FAM200B: variants seen among roughly 807,000 people sequenced by gnomAD.
The protein encoded by FAM200B is protein FAM200B.
In FAM200B, 32 loss-of-function variants were observed where a neutral mutation model predicts 33.1. The observed-to-expected ratio is 0.97, with a 90% CI of 0.73 to 1.30. The LOEUF is 1.30. Ranked by LOEUF, FAM200B falls within the 50% of genes most tolerant of loss-of-function variation. The pLI is 0.00. For synonymous variants in FAM200B, 240 were observed against 264.8 expected, an observed-to-expected ratio of 0.91 and a Z score of 0.91; for missense variants, 741 against 754.0, an observed-to-expected ratio of 0.98 and a Z score of 0.20.
chr4:15,641,335 G>A, the FAM200B span, among the ~76,000 whole-genome samples: 36,721 of 151,732 alleles, frequency 0.24, 4,663 homozygotes, highest in African/African-American at 0.28. Context: ...CTTAATTACC[G>A]ATTTTCTTCT....
chr4:15,682,474 C>G (rs1433422697), intron 1 of FAM200B, among the ~76,000 whole-genome samples: 1 of 152,196 alleles, frequency 6.6e-6, no homozygotes, highest in Non-Finnish European at 1.5e-5. Flanking sequence ...AGCTCTACCC[C>G]GTCTCATTCT....
chr4:15,642,298 T>C, the FAM200B span, among the ~76,000 whole-genome samples: 1 of 151,728 alleles, frequency 6.6e-6, no homozygotes, highest in Non-Finnish European at 1.5e-5. Context: ...TGGAATGCAG[T>C]GGTGCAATCT....
the FAM200B span, among the ~76,000 whole-genome samples, chr4:15,667,152 G>A: frequency 6.6e-6 from 1 of 152,130 alleles, no homozygotes; most frequent in African/African-American, 2.4e-5. Flanking sequence ...TCATGGGACA[G>A]TGCAAAGGGC....
At position 15,687,161 on chromosome 4, in the gene FAM200B, C is replaced by T. The variant is rs758445034; in HGVS notation, c.184C>T (p.Arg62Cys). The change falls in exon 2 of 2, where the codon CGT becomes TGT. Residue 62 changes from arginine to cysteine, a missense_variant. By Grantham distance (180) the Arg-to-Cys change is radical (BLOSUM62 -3). Transcript: ENST00000422728. Reference sequence around the variant, plus strand: ...CAAAAAGAAAAAAGTAAGTGCAAGACGTTATAATGAAGATTACTTAAAATA... The same window carrying T: ...CAAAAAGAAAAAAGTAAGTGCAAGATGTTATAATGAAGATTACTTAAAATA... ...HFKKKKVSAR[R>C]YNEDYLKYGF... is the part of the protein sequence containing the mutation. 35 of 1,544,050 alleles carry T rather than the reference C, an allele frequency of 2.3e-5. No homozygotes were observed. The highest frequency in any genetic ancestry group is 6.9e-5 in the African/African-American group (5 of 72,596).
chr4:15,670,197 AT>A, the FAM200B span, among the ~76,000 whole-genome samples: 3 of 152,194 alleles, frequency 2.0e-5, no homozygotes, highest in South Asian at 2.1e-4. Context: ...TTGTTTCTAA[AT>A]TTTGGTCATT....
the FAM200B span, among the ~76,000 whole-genome samples, chr4:15,674,806 T>C: frequency 6.6e-6 from 1 of 152,018 alleles, no homozygotes; most frequent in African/African-American, 2.4e-5. Context: ...CATGCCACCA[T>C]GCCTGGCTAA....
chr4:15,681,998 G>GC (rs1333601866), intron 1 of FAM200B, 97 bp downstream of exon 1: 1 of 152,418 alleles, frequency 6.6e-6, no homozygotes, highest in Non-Finnish European at 1.5e-5. Context: ...GTCTGGTTTT[G>GC]CCCCCCGTAT....
chr4:15,655,628 T>C, the FAM200B span, among the ~76,000 whole-genome samples: 4 of 152,170 alleles, frequency 2.6e-5, no homozygotes, highest in East Asian at 5.8e-4. Context: ...GGGAAAGTCG[T>C]TGCAGTGGCG....
At chr4:15,675,981 T>A in the FAM200B span, among the ~76,000 whole-genome samples, 1 of 152,132 alleles carries the variant, frequency 6.6e-6, no homozygotes, top group African/African-American at 2.4e-5. Flanking sequence ...TGAGACAAAA[T>A]TTTAAAAGGA....
Position 15,684,238 on chromosome 4 carries a change from G to A in FAM200B, c.-742-1998G>A, listed in dbSNP as rs893171907. Among the ~76,000 whole-genome samples the A allele has an allele frequency of 3.9e-5, 6 of 152,098 alleles. No homozygotes were observed. The East Asian group carries it at 5.8e-4, about 15-fold the overall frequency. ...CACACTGGTGTACTTGATCGTGTTC[G>A]GGTATGAACATGCTCTGATTTACAT... is the stretch of plus-strand genomic sequence containing the variant. On this transcript the variant is annotated intron_variant, in intron 1 of 1. Coordinates refer to ENST00000422728, the MANE Select transcript of FAM200B (RefSeq NM_001145191.2).
Position 15,688,619 on chromosome 4 carries a change from T to G in FAM200B, c.1642T>G (p.Ser548Ala), listed in dbSNP as rs1464340071. The stretch of plus-strand genomic sequence containing the variant: ...TCCATTTGCTTTTCGACACCCTGAA[T>G]CAATAATTGAGCTAAACTTGGTGCC... ...KDPFAFRHPE[S>A]IIELNLVPEE... The change falls in exon 2 of 2, where the codon TCA (serine) becomes GCA (alanine). Residue 548 changes from serine (S) to alanine (A), a missense_variant. Transcript: ENST00000422728. 4 of 1,551,192 alleles carry G rather than the reference T, an allele frequency of 2.6e-6. No individual in the cohort carries two copies. Among genetic ancestry groups the G allele is most frequent in the Admixed American group, 2.0e-5 (1 of 51,004 alleles).
the FAM200B span, among the ~76,000 whole-genome samples, chr4:15,642,358 G>C: frequency 2.0e-5 from 3 of 151,452 alleles, no homozygotes; most frequent in Admixed American, 2.0e-4. Flanking sequence ...TCAGTCTCCT[G>C]AGTAGCTGGG....
Position 15,687,557 on chromosome 4 carries a change from A to G in FAM200B, c.580A>G (p.Ile194Val). The change falls in exon 2 of 2, where the codon ATA becomes GTA. Residue 194 changes from isoleucine (I) to valine (V), a missense_variant. Transcript: ENST00000422728. ...TAAATCAGCTGATAAATTAAAAACT[A>G]TACCTAATGATAACACAGTATCTCT... ...DDKSADKLKT[I>V]PNDNTVSLRI... is the part of the protein sequence containing the mutation. The G allele has an allele frequency of 1.9e-6, 3 of 1,550,024 alleles. No individual in the cohort carries two copies. Among genetic ancestry groups the G allele is most frequent in the Non-Finnish European group, 2.6e-6 (3 of 1,145,918 alleles).
the FAM200B span, among the ~76,000 whole-genome samples, chr4:15,660,647 T>C: frequency 2.0e-5 from 3 of 152,338 alleles, no homozygotes; most frequent in South Asian, 6.2e-4. Context: ...CTGTAAAGAC[T>C]TGGTCTGGGA....
At chr4:15,664,380 C>T in the FAM200B span, among the ~76,000 whole-genome samples, 2 of 152,032 alleles carry the variant, frequency 1.3e-5, no homozygotes, top group African/African-American at 2.4e-5. Flanking sequence ...TAATGACTCT[C>T]CCTCAGTTAA....
intron 1 of FAM200B, among the ~76,000 whole-genome samples, chr4:15,684,375 C>A (rs982965231): frequency 6.6e-6 from 1 of 152,150 alleles, no homozygotes; most frequent in African/African-American, 2.4e-5. Flanking sequence ...TCATTAAAGC[C>A]GCTTTCGGAG....
chr4:15,669,061 T>C, the FAM200B span, among the ~76,000 whole-genome samples: 2 of 152,348 alleles, frequency 1.3e-5, no homozygotes, highest in African/African-American at 2.4e-5. Context: ...GGATACACCA[T>C]GTTGTTTAAA....
chr4:15,659,581 G>A, the FAM200B span: 1 of 220,562 alleles, frequency 4.5e-6, no homozygotes, highest in Admixed American at 6.5e-5. Flanking sequence ...TCCTTTTGAA[G>A]AGAAGTTTAG....
At chr4:15,645,486 G>C in the FAM200B span, among the ~76,000 whole-genome samples, 1 of 151,936 alleles carries the variant, frequency 6.6e-6, no homozygotes, top group South Asian at 2.1e-4. Flanking sequence ...AGAGTGCAGG[G>C]GCATGATCTC....
Sources: allele counts gnomAD v4.1 joint callset (sites outside exome capture counted in the v4.1 genomes callset), GRCh38; gene constraint gnomAD v4.1.1; transcripts MANE v1.5; gene names NCBI Gene and HGNC (gene_info 2026-07-23, HGNC 2026-07-21).